Variants in SGSM3 observed in about 807,000 individuals in gnomAD.
The protein encoded by SGSM3 is small G protein signaling modulator 3.
SGSM3 carries 96 observed loss-of-function variants against 100.5 expected under a neutral mutation model. The observed-to-expected ratio is 0.96, with a 90% CI of 0.81 to 1.13. SGSM3 has a LOEUF of 1.13. Among genes scored for constraint, SGSM3 ranks in the 50% most tolerant of loss-of-function variants. The probability of loss-of-function intolerance (pLI) is 0.00; values close to 1 mark genes in which losing one functional copy is unlikely to be tolerated. For missense variants in SGSM3, 1,001 were observed against 1,015.8 expected (o/e 0.99, Z 0.20); for synonymous variants, 483 against 422.8 (o/e 1.14, Z -1.75).
chr22:40,401,339 C>T (rs1264661285), intron 2 of SGSM3, among the ~76,000 whole-genome samples: 7 of 152,076 alleles, frequency 4.6e-5, no homozygotes, highest in East Asian at 1.9e-4. Flanking sequence ...CTGCAACCTC[C>T]GCTTCTTGGG....
chr22:40,408,131 TGGGC>T lies in SGSM3; in HGVS notation c.1629+16_1629+19del. On this transcript the variant is annotated intron_variant, in intron 15 of 21. Coordinates refer to ENST00000248929, the MANE Select transcript of SGSM3 (RefSeq NM_015705.6). ...GAGCGCAGCAAAGAGGTGAGGGGGGTGGGCGGGCTAGGCACGGCTGGCACCCTTC... is the reference window on the plus strand; with the variant it reads ...GAGCGCAGCAAAGAGGTGAGGGGGGTGGGCTAGGCACGGCTGGCACCCTTC... The T allele has an allele frequency of 1.2e-6, 1 of 856,176 alleles. No individual in the cohort carries two copies. Among genetic ancestry groups the T allele is most frequent in the Non-Finnish European group, 1.8e-6 (1 of 552,864 alleles). The allele number at this position is 856,176 out of a possible 1,614,324, so 53.0% of individuals were successfully genotyped here. A position where few individuals can be genotyped will look rare whatever the true frequency, so the allele number is the denominator to read the frequency against.
chr22:40,385,288 G>C (rs1291734060), intron 1 of SGSM3, among the ~76,000 whole-genome samples: 1 of 152,206 alleles, frequency 6.6e-6, no homozygotes, highest in Non-Finnish European at 1.5e-5. Flanking sequence ...CTTTTAAAAA[G>C]TATGGCAGTG....
chr22:40,409,292 C>T lies in SGSM3; in HGVS notation c.2031C>T (p.Ser677=), dbSNP rs1159879852. 1.6e-5 allele frequency: 25 copies of T among 1,612,362 alleles called. No individual in the cohort carries two copies. Among genetic ancestry groups the T allele is most frequent in the Non-Finnish European group, 2.1e-5 (25 of 1,179,876 alleles). Residue 677 remains serine, a synonymous_variant, in exon 20 of 22, where the codon AGC becomes AGT. Transcript: ENST00000248929. The part of the protein sequence containing the change: ...LHLWLEVLCS[S]LPTVEKWYQP... ...TGTGGCTGGAGGTGCTCTGCTCCAGCCTGCCCACCGTGGAGAAGTGGTACC... is the reference window on the plus strand; with the variant it reads ...TGTGGCTGGAGGTGCTCTGCTCCAGTCTGCCCACCGTGGAGAAGTGGTACC...
At chr22:40,373,463 T>C (rs1304591818) in intron 1 of SGSM3, 1 of 152,212 alleles carries the variant, frequency 6.6e-6, no homozygotes, top group Admixed American at 6.5e-5. Context: ...CTCTCAACGA[T>C]TTATTGAATA....
intron 10 of SGSM3, 44 bp downstream of exon 10, chr22:40,406,706 G>A (rs773750032): frequency 4.0e-6 from 6 of 1,499,000 alleles, no homozygotes; most frequent in Non-Finnish European, 5.5e-6. Flanking sequence ...CAGCACACGG[G>A]GAGGAGGGGT....
chr22:40,381,773 G>T (rs1289704138), intron 1 of SGSM3, among the ~76,000 whole-genome samples: 2 of 152,080 alleles, frequency 1.3e-5, no homozygotes, highest in Admixed American at 6.6e-5. Flanking sequence ...TGAGCAACAT[G>T]GCAAAACCCT....
rs542712527 is a variant in SGSM3, at chr22:40,400,375, G to A, written c.-111-321G>A. Among the ~76,000 whole-genome samples, 7 of 152,328 alleles carry A rather than the reference G, an allele frequency of 4.6e-5. No homozygotes were observed. The South Asian group carries it at 1.0e-3, about 23-fold the overall frequency. On this transcript the variant is annotated intron_variant, in intron 1 of 21. Transcript: ENST00000248929. Reference sequence around the variant, plus strand: ...AAGTAAAGGCTTGGCCGGGCGCGGTGGCTCATGCTTGTAATCCCAGCACTT... The same window carrying A: ...AAGTAAAGGCTTGGCCGGGCGCGGTAGCTCATGCTTGTAATCCCAGCACTT...
At chr22:40,371,535 G>GT (rs1187299709) in intron 1 of SGSM3, among the ~76,000 whole-genome samples, 2 of 152,124 alleles carry the variant, frequency 1.3e-5, no homozygotes, top group African/African-American at 4.8e-5. Flanking sequence ...TTTACTCGTA[G>GT]TTTTTGTGAC....
intron 21 of SGSM3, 58 bp downstream of exon 21, chr22:40,409,583 G>A: frequency 6.2e-7 from 1 of 1,613,310 alleles, no homozygotes; most frequent in Non-Finnish European, 8.5e-7. Flanking sequence ...ACCGTTCGCG[G>A]GGTGGCTAAG....
rs775206839 is a variant in SGSM3, at chr22:40,409,417, G to T, written c.2111+45G>T. On this transcript the variant is annotated intron_variant, in intron 20 of 21. Transcript: ENST00000248929. ...TGGGGGATGGAGGTGGGGTGGGAAG[G>T]GCTAGCTGGGGGTGACAAGAGCCTT... is the stretch of plus-strand genomic sequence containing the variant. The T allele has an allele frequency of 1.9e-6, 3 of 1,571,182 alleles. No homozygotes were observed. In the East Asian group the frequency reaches 6.8e-5, roughly 35 times the overall value.
Position 40,405,767 on chromosome 22 carries a change from C to G in SGSM3, c.737C>G (p.Thr246Ser), listed in dbSNP as rs142403487. The change falls in exon 8 of 22, where the codon ACT (threonine) becomes AGT (serine). Residue 246 changes from threonine to serine, a missense_variant. Thr to Ser is a moderately conservative substitution (Grantham distance 58). Transcript: ENST00000248929. ...YFSTTLLGVQ[T>S]DQRVLRHLIV... The stretch of plus-strand genomic sequence containing the variant: ...AGCACCACCCTGCTGGGTGTCCAGA[C>G]TGACCAGCGGGTCCTGCGCCACCTC... 5.0e-6 allele frequency: 8 copies of G among 1,613,670 alleles called. No individual in the cohort carries two copies. The African/African-American group carries it at 5.3e-5, about 11-fold the overall frequency.
At chr22:40,402,244 T>C in intron 4 of SGSM3, 39 bp downstream of exon 4, 1 of 1,523,822 alleles carries the variant, frequency 6.6e-7, no homozygotes, top group Non-Finnish European at 9.1e-7. Flanking sequence ...CTTGCTGATG[T>C]TCTTTGGGGA....
At chr22:40,377,313 C>G (rs1487418651) in intron 1 of SGSM3, among the ~76,000 whole-genome samples, 1 of 152,220 alleles carries the variant, frequency 6.6e-6, no homozygotes, top group Admixed American at 6.5e-5. Flanking sequence ...GTTCAATAAA[C>G]AGTTGCAGCT....
intron 2 of SGSM3, 138 bp downstream of exon 2, chr22:40,400,951 T>A: frequency 2.4e-6 from 2 of 848,924 alleles, no homozygotes; most frequent in Non-Finnish European, 3.5e-6. Context: ...TCTGGCTGGC[T>A]GAGAAAGTTA....
chr22:40,398,060 TG>T (rs1422905270), intron 1 of SGSM3, among the ~76,000 whole-genome samples: 1 of 148,226 alleles, frequency 6.7e-6, no homozygotes, highest in Non-Finnish European at 1.5e-5. Context: ...CTCTGCCTCC[TG>T]GGTTCAAGTG....
intron 1 of SGSM3, among the ~76,000 whole-genome samples, chr22:40,382,540 G>C (rs1281537830): frequency 6.6e-6 from 1 of 152,116 alleles, no homozygotes; most frequent in Non-Finnish European, 1.5e-5. Flanking sequence ...TGTTCTAAGA[G>C]CTAACCTCCC....
chr22:40,406,479 C>A lies in SGSM3; in HGVS notation c.1002C>A (p.Phe334Leu). 6.2e-7 allele frequency: 1 copy of A among 1,605,212 alleles called. No individual in the cohort carries two copies. The highest frequency in any genetic ancestry group is 8.5e-7 in the Non-Finnish European group (1 of 1,174,674). ...AGTCAGAGAACTCGGCCTCCATCTT[C>A]AACACGCTATCGGATATCCCGTCGC... ...LIQSENSASI[F>L]NTLSDIPSQM... The change falls in exon 10 of 22, where the codon TTC becomes TTA. Residue 334 changes from phenylalanine (F) to leucine (L), a missense_variant. Physicochemically the swap from Phe to Leu is conservative, Grantham distance 22. Coordinates refer to ENST00000248929, the MANE Select transcript of SGSM3 (RefSeq NM_015705.6).
chr22:40,406,947 T>C (rs2146997997), intron 10 of SGSM3, 70 bp from the exon 11 acceptor site: 1 of 1,443,832 alleles, frequency 6.9e-7, no homozygotes, highest in Admixed American at 2.0e-5. Context: ...TGAGACAGTA[T>C]AAGCCAAGGG....
chr22:40,408,088 T>C lies in SGSM3; in HGVS notation c.1597T>C (p.Phe533Leu), dbSNP rs1284363394. 6 of 1,613,126 alleles carry C rather than the reference T, an allele frequency of 3.7e-6. No individual in the cohort carries two copies. In the African/African-American group the frequency reaches 8.0e-5, roughly 22 times the overall value. ...TCCCACAGGCTGGTTTCCAGCCAAG[T>C]TCGTGGAAGTCCTGGATGAGCGCAG... ...NGLRGWFPAK[F>L]VEVLDERSKE... Residue 533 changes from phenylalanine (F) to leucine (L), a missense_variant, in exon 15 of 22, where the codon TTC (phenylalanine) becomes CTC (leucine). Physicochemically the swap from Phe to Leu is conservative, Grantham distance 22 (BLOSUM62 0). Coordinates refer to ENST00000248929, the MANE Select transcript of SGSM3 (RefSeq NM_015705.6).
Sources: gnomAD v4.1 joint callset for allele counts (sites outside exome capture counted in the v4.1 genomes callset) on GRCh38, gnomAD v4.1.1 for gene constraint, MANE v1.5 for transcripts, NCBI Gene and HGNC (gene_info 2026-07-23, HGNC 2026-07-21) for gene names.